The following NSUN4 variants were observed in gnomAD, a reference collection of about 807,000 sequenced individuals.
NSUN4 encodes the protein NOP2/Sun RNA methyltransferase 4, also known as 5-cytosine rRNA methyltransferase NSUN4.
Under a neutral mutation model 43.8 loss-of-function variants are expected in NSUN4, and 31 were observed. The observed-to-expected ratio is 0.71, with a 90% CI of 0.53 to 0.96. The LOEUF (loss-of-function observed/expected upper bound fraction) is 0.96. Among genes scored for constraint, NSUN4 ranks in the 40% least tolerant of loss-of-function variants. The pLI is 0.00. For missense variants in NSUN4, 439 were observed against 475.6 expected, an observed-to-expected ratio of 0.92 and a Z score of 0.72; for synonymous variants, 167 against 184.1, an observed-to-expected ratio of 0.91 and a Z score of 0.75.
At position 46,344,941 on chromosome 1, in the gene NSUN4, T is replaced by A. The variant is rs1349116039; in HGVS notation, c.234T>A (p.Asn78Lys). ...LSEQKYGALV[N>K]NFAAWDHVSA... ...AGCAGAAGTATGGTGCACTGGTCAATAACTTTGCTGCCTGGGATCATGTAA... is the reference window on the plus strand; with the variant it reads ...AGCAGAAGTATGGTGCACTGGTCAAAAACTTTGCTGCCTGGGATCATGTAA... Residue 78 changes from asparagine (N) to lysine (K), a missense_variant, in exon 2 of 6, where the codon AAT (asparagine) becomes AAA (lysine). By Grantham distance (94) the Asn-to-Lys change is moderately conservative. Transcript: ENST00000474844. 1 of 1,614,090 alleles carries A rather than the reference T, an allele frequency of 6.2e-7. No homozygotes were observed. Among genetic ancestry groups the A allele is most frequent in the Non-Finnish European group, 8.5e-7 (1 of 1,180,046 alleles).
At chr1:46,348,833 GAGAA>G (rs1662746998) in intron 3 of NSUN4, among the ~76,000 whole-genome samples, 1 of 17,100 alleles carries the variant, frequency 5.8e-5, no homozygotes, top group African/African-American at 1.5e-4. Flanking sequence ...TTTTTTTTTT[GAGAA>G]GAAGTTTCGC....
At chr1:46,341,107 CT>C in intron 1 of NSUN4, 188 bp downstream of exon 1, 1 of 1,247,656 alleles carries the variant, frequency 8.0e-7, no homozygotes, top group Non-Finnish European at 1.1e-6. Flanking sequence ...GCGTTAGTGT[CT>C]TCCACTTGTT....
chr1:46,341,099 G>T, intron 1 of NSUN4, 180 bp downstream of exon 1: 1 of 1,207,336 alleles, frequency 8.3e-7, no homozygotes, highest in Non-Finnish European at 1.1e-6. Flanking sequence ...TGTCCCGAGC[G>T]TTAGTGTCTT....
At chr1:46,372,241 T>C in the NSUN4 span, among the ~76,000 whole-genome samples, 1 of 150,814 alleles carries the variant, frequency 6.6e-6, no homozygotes, top group East Asian at 2.0e-4. Context: ...CCCAGGTTCA[T>C]GCCATTCTCC....
At chr1:46,374,289 CAAAAAAAA>C in the NSUN4 span, among the ~76,000 whole-genome samples, 2 of 42,912 alleles carry the variant, frequency 4.7e-5, no homozygotes, top group African/African-American at 9.6e-5. Context: ...TCTGTCTCAC[CAAAAAAAA>C]AAAAAAAAAA....
chr1:46,366,387 G>T (rs1664133346), downstream of NSUN4, among the ~76,000 whole-genome samples: 1 of 152,132 alleles, frequency 6.6e-6, no homozygotes, highest in Non-Finnish European at 1.5e-5. Flanking sequence ...TTAGATTATT[G>T]TTAAGGCTCT....
At position 46,345,070 on chromosome 1, in the gene NSUN4, C is replaced by T. The variant is rs207460100; in HGVS notation, c.363C>T (p.Ala121=). The part of the protein sequence containing the change: ...EGGQSAAPSP[A]SWACSPNLRC... ...GCCAATCTGCAGCCCCATCCCCTGCCTCCTGGGCCTGCAGTCCGAACCTTC... is the reference window on the plus strand; with the variant it reads ...GCCAATCTGCAGCCCCATCCCCTGCTTCCTGGGCCTGCAGTCCGAACCTTC... Residue 121 remains alanine (A), a synonymous_variant, in exon 2 of 6, where the codon GCC becomes GCT. Coordinates refer to ENST00000474844, the MANE Select transcript of NSUN4 (RefSeq NM_199044.4). 1.2e-6 allele frequency: 2 copies of T among 1,614,162 alleles called. No homozygotes were observed. The highest frequency in any genetic ancestry group is 8.5e-7 in the Non-Finnish European group (1 of 1,180,028).
chr1:46,356,041 C>G (rs1663346009), intron 4 of NSUN4, among the ~76,000 whole-genome samples: 1 of 151,194 alleles, frequency 6.6e-6, no homozygotes, highest in Non-Finnish European at 1.5e-5. Flanking sequence ...TAGTTGTGTA[C>G]AATATACTCT....
intron 3 of NSUN4, 21 bp from the exon 4 acceptor site, chr1:46,352,845 CTG>C: frequency 6.2e-7 from 1 of 1,612,306 alleles, no homozygotes; most frequent in Non-Finnish European, 8.5e-7. Flanking sequence ...GTCATGGCCT[CTG>C]AAGTATCTTT....
chr1:46,344,064 T>A (rs1300471024), intron 1 of NSUN4: 1 of 322,554 alleles, frequency 3.1e-6, no homozygotes, highest in Non-Finnish European at 5.6e-6. Flanking sequence ...GACCGACTTG[T>A]GCACTCCTCA....
downstream of NSUN4, among the ~76,000 whole-genome samples, chr1:46,367,130 T>C (rs1309901378): frequency 6.6e-6 from 1 of 152,156 alleles, no homozygotes; most frequent in Non-Finnish European, 1.5e-5. Flanking sequence ...TGAGGGTCTT[T>C]AGTGGAAGGC....
the NSUN4 span, among the ~76,000 whole-genome samples, chr1:46,376,870 G>C: frequency 8.1e-4 from 123 of 152,062 alleles, 1 homozygote; most frequent in Middle Eastern, 6.8e-3. Flanking sequence ...CAATTCTTCT[G>C]CCTCAGCCTC....
At chr1:46,345,189 G>C in intron 2 of NSUN4, 45 bp downstream of exon 2, 4 of 1,402,134 alleles carry the variant, frequency 2.9e-6, no homozygotes, top group Non-Finnish European at 2.9e-6. Flanking sequence ...GTGTCTGCTG[G>C]AAGTAGACAT....
chr1:46,361,274 C>A (rs558227987), intron 5 of NSUN4, among the ~76,000 whole-genome samples: 1 of 152,276 alleles, frequency 6.6e-6, no homozygotes, highest in African/African-American at 2.4e-5. Context: ...TGAAAAATAG[C>A]TGCTAGAGTA....
In NSUN4 at chr1:46,359,636, T is replaced by C. The variant is rs540565319; in HGVS notation, c.754-1068T>C. On this transcript the variant is annotated intron_variant, in intron 4 of 5. Coordinates refer to ENST00000474844, the MANE Select transcript of NSUN4 (RefSeq NM_199044.4). ...CGCGATCTTGGCTCACTGCAACCTC[T>C]GCCTCCCAAGTTCAAGCGATTCTCC... Among the ~76,000 whole-genome samples the C allele has an allele frequency of 2.7e-5, 4 of 150,430 alleles. No individual in the cohort carries two copies. The East Asian group carries it at 8.1e-4, about 30-fold the overall frequency.
Position 46,344,983 on chromosome 1 carries a change from G to T in NSUN4, c.276G>T (p.Gln92His). Residue 92 changes from glutamine to histidine, a missense_variant, in exon 2 of 6, where the codon CAG (glutamine) becomes CAT (histidine). Gln to His is a conservative substitution (Grantham distance 24, BLOSUM62 0). Coordinates refer to ENST00000474844, the MANE Select transcript of NSUN4 (RefSeq NM_199044.4). ...AWDHVSAKLE[Q>H]LSAKDFVNEA... ...ATCATGTAAGTGCTAAGCTGGAGCA[G>T]CTGAGTGCCAAGGATTTTGTGAATG... 6.2e-7 allele frequency: 1 copy of T among 1,614,218 alleles called. No homozygotes were observed. The highest frequency in any genetic ancestry group is 1.1e-5 in the South Asian group (1 of 91,090).
downstream of NSUN4, among the ~76,000 whole-genome samples, chr1:46,368,661 T>A (rs1355602578): frequency 1.3e-5 from 2 of 152,186 alleles, no homozygotes; most frequent in African/African-American, 4.8e-5. Context: ...AGCCAGTAAG[T>A]TTTGGAAATG....
At chr1:46,355,988 T>G (rs543983529) in intron 4 of NSUN4, among the ~76,000 whole-genome samples, 1 of 150,198 alleles carries the variant, frequency 6.7e-6, no homozygotes, top group South Asian at 2.1e-4. Flanking sequence ...CATTCCAGCC[T>G]GGGGAACAAG....
At chr1:46,365,903 G>A (rs545085901), downstream of NSUN4, among the ~76,000 whole-genome samples, 2 of 152,124 alleles carry the variant, frequency 1.3e-5, no homozygotes, top group African/African-American at 4.8e-5. Context: ...CGAGGCGGGC[G>A]GATCACTTAA....
Sources: allele counts gnomAD v4.1 joint callset (sites outside exome capture counted in the v4.1 genomes callset), GRCh38; gene constraint gnomAD v4.1.1; transcripts MANE v1.5; gene names NCBI Gene and HGNC (gene_info 2026-07-23, HGNC 2026-07-21).